The following CLN6 variants were observed in gnomAD, a reference collection of about 807,000 sequenced individuals.
The protein encoded by CLN6 is CLN6 transmembrane ER protein.
A neutral mutation model predicts 33.3 loss-of-function variants in CLN6; 22 were observed. The observed-to-expected ratio is 0.66, with a 90% CI of 0.47 to 0.94. The LOEUF (loss-of-function observed/expected upper bound fraction) is 0.94, where lower values mean the gene tolerates loss of function less well. Among genes scored for constraint, CLN6 ranks in the 40% least tolerant of loss-of-function variants. The pLI, the probability that CLN6 is intolerant of heterozygous loss-of-function variation, is 0.00. For missense variants in CLN6, 387 were observed against 417.1 expected (o/e 0.93, Z 0.63); for synonymous variants, 201 against 174.6 (o/e 1.15, Z -1.19).
At chr15:68,218,203 AC>A (rs1226902026) in intron 2 of CLN6, 1 of 317,840 alleles carries the variant, frequency 3.1e-6, no homozygotes, top group African/African-American at 2.1e-5. Context: ...CCTTTCCTAT[AC>A]CCCTTTGTCT....
intron 1 of CLN6, among the ~76,000 whole-genome samples, chr15:68,237,983 C>T (rs1199156637): frequency 1.3e-5 from 2 of 151,696 alleles, no homozygotes; most frequent in Non-Finnish European, 2.9e-5. Context: ...ATTAGCTGAG[C>T]GTGGTGGTGG....
At chr15:68,244,576 G>A (rs908949509) in intron 1 of CLN6, among the ~76,000 whole-genome samples, 4 of 151,924 alleles carry the variant, frequency 2.6e-5, no homozygotes, top group African/African-American at 9.7e-5. Flanking sequence ...TCTTCAATCT[G>A]AAAGAAAAAA....
At position 68,210,031 on chromosome 15, in the gene CLN6, G is replaced by A. The variant is rs1362208296; in HGVS notation, c.543-272C>T. ...CACCTCACTCACTCCGTGGGGGTAA[G>A]GGGTGTCTGGGGGGTTGTCTGTCTC... On this transcript the variant is annotated intron_variant, in intron 5 of 6. Coordinates refer to ENST00000249806, the MANE Select transcript of CLN6 (RefSeq NM_017882.3). The surrounding 1 kb of genome is among the most constrained non-coding windows in gnomAD (Gnocchi z 5.6). 6.6e-6 allele frequency among the ~76,000 whole-genome samples: 1 copy of A among 152,168 alleles called. No individual in the cohort carries two copies. Among genetic ancestry groups the A allele is most frequent in the Non-Finnish European group, 1.5e-5 (1 of 68,026 alleles).
intron 2 of CLN6, among the ~76,000 whole-genome samples, chr15:68,216,017 T>C (rs538838904): frequency 1.3e-5 from 2 of 152,244 alleles, no homozygotes; most frequent in Non-Finnish European, 2.9e-5. Context: ...GCAACTATTA[T>C]GCATACATTT....
At chr15:68,230,773 T>G (rs1246297517), upstream of CLN6, among the ~76,000 whole-genome samples, 1 of 152,184 alleles carries the variant, frequency 6.6e-6, no homozygotes. This position sits in a 1 kb window ranked among gnomAD's most constrained non-coding sequence, Gnocchi z 4.0. Context: ...ACAGAAAGGT[T>G]ACCTTCCACA....
At chr15:68,255,356 A>G (rs1892422933) in intron 1 of CLN6, among the ~76,000 whole-genome samples, 2 of 151,980 alleles carry the variant, frequency 1.3e-5, no homozygotes, top group South Asian at 4.1e-4. Context: ...TAGCCTTTCC[A>G]GTGATGCCAC....
rs1183583039 is a variant in CLN6, at chr15:68,218,554, A to G, written c.180T>C (p.Phe60=). The G allele has an allele frequency of 6.2e-6, 10 of 1,613,640 alleles. No individual in the cohort carries two copies. The highest frequency in any genetic ancestry group is 1.6e-4 in the Middle Eastern group (1 of 6,082). Residue 60 remains phenylalanine, a synonymous_variant, in exon 2 of 7, where the codon TTT becomes TTC. Transcript: ENST00000249806. ...CACTCACCATGGCAATGGGACGCCCAAAGTCCAGAACCCAGTTCTGCAGTG... is the reference window on the plus strand; with the variant it reads ...CACTCACCATGGCAATGGGACGCCCGAAGTCCAGAACCCAGTTCTGCAGTG... ...YFTLQNWVLD[F]GRPIAMLVFP...
rs561247736 is a variant in CLN6, at chr15:68,243,839, G to A, written c.179+12851C>T. Among the ~76,000 whole-genome samples the A allele has an allele frequency of 9.2e-5, 14 of 151,696 alleles. No individual in the cohort carries two copies. The East Asian group carries it at 1.4e-3, about 15-fold the overall frequency. ...AGCACTTTGGGAGGCTGAGGTGGGC[G>A]GATCACAAGGTCAGGAGATCGAGAC... On this transcript the variant is annotated intron_variant, in intron 1 of 6. Coordinates refer to the CLN6 transcript ENST00000538696.
At chr15:68,229,767 A>AGAGGAGCGGAGGGAGGCGGG, upstream of CLN6, 1 of 317,894 alleles carries the variant, frequency 3.1e-6, no homozygotes. Flanking sequence ...AGCGGAGCGG[A>AGAGGAGCGGAGGGAGGCGGG]GCGGAGCGGA....
intron 1 of CLN6, among the ~76,000 whole-genome samples, chr15:68,253,623 A>T (rs941995940): frequency 1.3e-5 from 2 of 152,264 alleles, no homozygotes; most frequent in Non-Finnish European, 2.9e-5. Context: ...ATTTAGTAAC[A>T]ATCAATGTTA....
In CLN6 at chr15:68,209,008, T is replaced by C. The variant is rs1024847879; in HGVS notation, c.666-598A>G. ...TCCAGTCCTGCCCCGACCCTGTCCT[T>C]CCCATGATACCCACAATCCCAGGGT... On this transcript the variant is annotated intron_variant, in intron 6 of 6. Transcript: ENST00000249806. This position sits in a 1 kb window ranked among gnomAD's most constrained non-coding sequence, Gnocchi z 4.9. 6.6e-6 allele frequency among the ~76,000 whole-genome samples: 1 copy of C among 152,100 alleles called. No individual in the cohort carries two copies. The highest frequency in any genetic ancestry group is 1.5e-5 in the Non-Finnish European group (1 of 68,012).
chr15:68,222,282 T>G (rs1320567795), intron 1 of CLN6, among the ~76,000 whole-genome samples: 1 of 122,524 alleles, frequency 8.2e-6, no homozygotes, highest in Non-Finnish European at 1.7e-5. Flanking sequence ...CACCTCTGCC[T>G]GGCCGCCACC....
chr15:68,225,807 T>A (rs1428486124), intron 1 of CLN6, among the ~76,000 whole-genome samples: 1 of 151,572 alleles, frequency 6.6e-6, no homozygotes, highest in East Asian at 1.9e-4. Flanking sequence ...ACGTCATCTC[T>A]ACTAAAAATA....
Position 68,220,055 on chromosome 15 carries a change from A to T in CLN6, c.84-1405T>A, listed in dbSNP as rs1337044186. 6.6e-6 allele frequency among the ~76,000 whole-genome samples: 1 copy of T among 152,132 alleles called. No individual in the cohort carries two copies. The highest frequency in any genetic ancestry group is 1.9e-4 in the East Asian group (1 of 5,196). On this transcript the variant is annotated intron_variant, in intron 1 of 6. Transcript: ENST00000249806. The surrounding 1 kb of genome is among the most constrained non-coding windows in gnomAD (Gnocchi z 4.2). ...CTGCTGTTGCTTCCCTAATTTTCTG[A>T]GATCCCTTCCTGCCAGTTCCAAGGA...
At chr15:68,244,040 G>C (rs1207042096) in intron 1 of CLN6, among the ~76,000 whole-genome samples, 1 of 151,512 alleles carries the variant, frequency 6.6e-6, no homozygotes, top group East Asian at 1.9e-4. Context: ...ACTCCAGCCT[G>C]GGTGACAGAG....
chr15:68,218,721 CCA>C (rs2093227467), intron 1 of CLN6, 71 bp from the exon 2 acceptor site: 2 of 1,144,434 alleles, frequency 1.7e-6, no homozygotes, highest in Non-Finnish European at 2.6e-6. Context: ...CTGAGATTAG[CCA>C]CAAAGAGGTC....
At position 68,207,919 on chromosome 15, in the gene CLN6, CAG is replaced by C; in HGVS notation, c.*219_*220del. ...CGATCCTGAGATGATCCAAATCAAA[CAG>C]AAACTTGACGGAAATAGTAGAGTCT... On this transcript the variant is annotated 3_prime_UTR_variant, in exon 7 of 7. Coordinates refer to ENST00000249806, the MANE Select transcript of CLN6 (RefSeq NM_017882.3). 1.7e-6 allele frequency: 1 copy of C among 601,796 alleles called. No homozygotes were observed. The highest frequency in any genetic ancestry group is 2.9e-6 in the Non-Finnish European group (1 of 340,050). The allele number at this position is 601,796 out of a possible 1,614,324, so 37.3% of individuals were successfully genotyped here. A position where few individuals can be genotyped will look rare whatever the true frequency, so the allele number is the denominator to read the frequency against.
intron 2 of CLN6, 25 bp from the exon 3 acceptor site, chr15:68,214,413 C>A: frequency 6.3e-7 from 1 of 1,577,648 alleles, no homozygotes; most frequent in East Asian, 2.2e-5. Context: ...GAAGAATGGG[C>A]TCACCTGGGC....
intron 1 of CLN6, among the ~76,000 whole-genome samples, chr15:68,226,130 C>T (rs2093251134): frequency 6.6e-6 from 1 of 151,736 alleles, no homozygotes; most frequent in Admixed American, 6.6e-5. Flanking sequence ...CCAGCCTGGC[C>T]AACATGGTGA....
Sources: allele counts gnomAD v4.1 joint callset (sites outside exome capture counted in the v4.1 genomes callset), GRCh38; gene constraint gnomAD v4.1.1; non-coding constraint Gnocchi (gnomAD v3.1); transcripts MANE v1.5; gene names NCBI Gene and HGNC (gene_info 2026-07-23, HGNC 2026-07-21).